GAP43: variants seen among roughly 807,000 people sequenced by gnomAD.
GAP43 encodes neuromodulin.
In GAP43, 6 loss-of-function variants were observed where a neutral mutation model predicts 18.6. The ratio of observed to expected loss-of-function variants is 0.32; its 90% CI spans 0.18 to 0.64. GAP43 has a LOEUF of 0.64. Among genes scored for constraint, GAP43 ranks in the 30% least tolerant of loss-of-function variants. The pLI is 0.78. For synonymous variants in GAP43, 115 were observed against 111.4 expected, an observed-to-expected ratio of 1.03 and a Z score of -0.20; for missense variants, 292 against 295.5, an observed-to-expected ratio of 0.99 and a Z score of 0.09.
intron 1 of GAP43, among the ~76,000 whole-genome samples, chr3:115,654,171 T>C (rs1708554359): frequency 6.6e-6 from 1 of 152,210 alleles, no homozygotes; most frequent in South Asian, 2.1e-4. Context: ...CACTTTAATT[T>C]ATCAGTTGGC....
chr3:115,635,901 A>G (rs1576977516), intron 1 of GAP43, among the ~76,000 whole-genome samples: 1 of 152,090 alleles, frequency 6.6e-6, no homozygotes, highest in East Asian at 1.9e-4. Context: ...CAAATCTTTC[A>G]GCAATGAATG....
intron 1 of GAP43, among the ~76,000 whole-genome samples, chr3:115,662,216 G>A (rs1267691576): frequency 3.3e-5 from 5 of 152,078 alleles, no homozygotes; most frequent in African/African-American, 9.7e-5. Flanking sequence ...GAGAATCTTC[G>A]TCTAGGTCCT....
chr3:115,659,133 C>A (rs757617932), intron 1 of GAP43, among the ~76,000 whole-genome samples: 2 of 151,946 alleles, frequency 1.3e-5, no homozygotes, highest in Non-Finnish European at 2.9e-5. Context: ...GAAGAGCGGC[C>A]GGCAGGAAGG....
chr3:115,649,057 T>G (rs1708493499), intron 1 of GAP43, among the ~76,000 whole-genome samples: 1 of 152,074 alleles, frequency 6.6e-6, no homozygotes, highest in Non-Finnish European at 1.5e-5. Flanking sequence ...AGAAATTTGG[T>G]ATTCCTCTCA....
chr3:115,691,157 A>T (rs1289609583), intron 2 of GAP43, among the ~76,000 whole-genome samples: 1 of 152,238 alleles, frequency 6.6e-6, no homozygotes, highest in African/African-American at 2.4e-5. Context: ...CAGCAAATAA[A>T]GAGAACAATG....
At chr3:115,705,263 AT>A (rs953701786) in intron 2 of GAP43, among the ~76,000 whole-genome samples, 60 of 152,318 alleles carry the variant, frequency 3.9e-4, no homozygotes, top group African/African-American at 1.4e-3. Flanking sequence ...TATTGGTGTC[AT>A]TCTTACAGAG....
chr3:115,717,074 G>A (rs1709518532), intron 2 of GAP43, among the ~76,000 whole-genome samples: 1 of 151,942 alleles, frequency 6.6e-6, no homozygotes, highest in Non-Finnish European at 1.5e-5. Flanking sequence ...TTTAGGGAAA[G>A]TTCCTTTATG....
chr3:115,646,852 T>C (rs1708464046), intron 1 of GAP43, among the ~76,000 whole-genome samples: 1 of 151,990 alleles, frequency 6.6e-6, no homozygotes, highest in Non-Finnish European at 1.5e-5. Context: ...CACTTCACTT[T>C]ATATATTAAG....
chr3:115,640,954 C>T (rs1708386957), intron 1 of GAP43, among the ~76,000 whole-genome samples: 1 of 139,004 alleles, frequency 7.2e-6, no homozygotes, highest in African/African-American at 2.6e-5. Flanking sequence ...TTTCTCCCTC[C>T]CTCCCTCCTT....
intron 1 of GAP43, among the ~76,000 whole-genome samples, chr3:115,674,662 T>C (rs1408737527): frequency 2.6e-5 from 4 of 152,214 alleles, no homozygotes; most frequent in Non-Finnish European, 5.9e-5. Flanking sequence ...TTTCCCATCA[T>C]TTTTTAAAAT....
At chr3:115,701,105 G>A (rs185158183) in intron 2 of GAP43, among the ~76,000 whole-genome samples, 15 of 152,170 alleles carry the variant, frequency 9.9e-5, no homozygotes, top group Admixed American at 2.0e-4. Flanking sequence ...CTCCTCTCCC[G>A]TTCATATTAT....
chr3:115,641,804 A>C (rs769249982), intron 1 of GAP43, among the ~76,000 whole-genome samples: 1 of 152,002 alleles, frequency 6.6e-6, no homozygotes, highest in African/African-American at 2.4e-5. Context: ...TATTTATTTA[A>C]CCACAGCATC....
intron 2 of GAP43, among the ~76,000 whole-genome samples, chr3:115,718,253 A>G (rs939026213): frequency 6.6e-6 from 1 of 152,190 alleles, no homozygotes; most frequent in Non-Finnish European, 1.5e-5. Flanking sequence ...GGCACTAAAA[A>G]CATTGCTTCT....
intron 2 of GAP43, among the ~76,000 whole-genome samples, chr3:115,686,153 G>C (rs1328764506): frequency 6.6e-6 from 1 of 152,150 alleles, no homozygotes. Context: ...ACGTTAGTCA[G>C]CTCCAGCATA....
intron 2 of GAP43, among the ~76,000 whole-genome samples, chr3:115,677,173 G>C (rs1213348164): frequency 6.6e-6 from 1 of 152,150 alleles, no homozygotes; most frequent in Non-Finnish European, 1.5e-5. Context: ...AGTAGTGTGT[G>C]TATATGTGGG....
At chr3:115,632,154 C>T (rs1307506657) in intron 1 of GAP43, among the ~76,000 whole-genome samples, 1 of 151,986 alleles carries the variant, frequency 6.6e-6, no homozygotes, top group East Asian at 1.9e-4. Flanking sequence ...CTGCCTCCCC[C>T]TCTATACCCA....
In GAP43 at chr3:115,626,503, TAAAGGAGTGGGC is replaced by T. The variant is rs1312570287; in HGVS notation, c.30+2792_30+2803del. On this transcript the variant is annotated intron_variant, in intron 1 of 2. Coordinates refer to ENST00000305124, the MANE Select transcript of GAP43 (RefSeq NM_002045.4). Reference sequence around the variant, plus strand: ...GAGTGGGGTAGAGATGAGAATATGGTAAAGGAGTGGGCAAAGGAGGAATAAAATAAAATAATC... The same window carrying T: ...GAGTGGGGTAGAGATGAGAATATGGTAAAGGAGGAATAAAATAAAATAATC... 8.5e-5 allele frequency among the ~76,000 whole-genome samples: 13 copies of T among 152,162 alleles called. No homozygotes were observed. The East Asian group carries it at 2.5e-3, about 29-fold the overall frequency.
At chr3:115,661,292 A>G (rs554712754) in intron 1 of GAP43, 136 of 152,138 alleles carry the variant, frequency 8.9e-4, no homozygotes, top group African/African-American at 3.1e-3. Flanking sequence ...TCTATCCTGC[A>G]CTTCTGCATG....
At chr3:115,693,130 T>A (rs576741548) in intron 2 of GAP43, among the ~76,000 whole-genome samples, 5 of 152,132 alleles carry the variant, frequency 3.3e-5, no homozygotes, top group Admixed American at 3.3e-4. Flanking sequence ...GAAACAATGG[T>A]GTCCTCGTCT....
Sources: allele counts gnomAD v4.1 joint callset (sites outside exome capture counted in the v4.1 genomes callset), GRCh38; gene constraint gnomAD v4.1.1; transcripts MANE v1.5; gene names NCBI Gene and HGNC (gene_info 2026-07-23, HGNC 2026-07-21).